MIEF2: variants seen among roughly 807,000 people sequenced by gnomAD.
MIEF2 encodes the protein mitochondrial elongation factor 2, also known as mitochondrial dynamics protein MID49.
A neutral mutation model predicts 7.4 loss-of-function variants in MIEF2; 1 was observed. The ratio of observed to expected loss-of-function variants is 0.14; its 90% CI spans 0.05 to 0.64. MIEF2 has a LOEUF of 0.64. Ranked by LOEUF, MIEF2 falls within the 30% of genes least tolerant of loss-of-function variation. The pLI is 0.85. For missense variants in MIEF2, 569 were observed against 623.9 expected (o/e 0.91, Z 0.94); for synonymous variants, 275 against 290.5 (o/e 0.95, Z 0.54).
At chr17:18,261,380 C>T (rs1185765687) in intron 1 of MIEF2, among the ~76,000 whole-genome samples, 1 of 152,164 alleles carries the variant, frequency 6.6e-6, no homozygotes, top group Non-Finnish European at 1.5e-5. Flanking sequence ...CACAGCGCTT[C>T]AGGCTTCAGC....
chr17:18,265,055 T>C lies in MIEF2; in HGVS notation c.*291T>C, dbSNP rs1978675151. ...CTCTTGGGGCCAACCCCAGGACCTT[T>C]GGCTCTGTCCATCACCAGCAACCAA... On this transcript the variant is annotated 3_prime_UTR_variant, in exon 4 of 4. Coordinates refer to ENST00000323019, the MANE Select transcript of MIEF2 (RefSeq NM_139162.4). 2.9e-6 allele frequency: 1 copy of C among 345,980 alleles called. No homozygotes were observed. Among genetic ancestry groups the C allele is most frequent in the South Asian group, 5.5e-5 (1 of 18,198 alleles). The allele number at this position is 345,980 out of a possible 1,614,324, so 21.4% of individuals were successfully genotyped here. A position where few individuals can be genotyped will look rare whatever the true frequency, so the allele number is the denominator to read the frequency against.
chr17:18,264,509 G>A lies in MIEF2; in HGVS notation c.1110G>A (p.Leu370=), dbSNP rs142149649. The A allele has an allele frequency of 1.1e-4, 169 of 1,608,762 alleles. No individual in the cohort carries two copies. In the Middle Eastern group the frequency reaches 1.2e-3, roughly 11 times the overall value. ...CTGTCTGCCGTGGTTGCTCGGCTCT[G>A]GGGCAGCTAGGCCGGGGTCACCTGA... The part of the protein sequence containing the change: ...LCAVCRGCSA[L]GQLGRGHLTQ... Residue 370 remains leucine (L), a synonymous_variant, in exon 4 of 4, where the codon CTG becomes CTA. Coordinates refer to ENST00000323019, the MANE Select transcript of MIEF2 (RefSeq NM_139162.4).
chr17:18,264,965 C>A lies in MIEF2; in HGVS notation c.*201C>A. 1 of 943,834 alleles carries A rather than the reference C, an allele frequency of 1.1e-6. No homozygotes were observed. The highest frequency in any genetic ancestry group is 1.5e-6 in the Non-Finnish European group (1 of 668,184). The allele number at this position is 943,834 out of a possible 1,614,324, so 58.5% of individuals were successfully genotyped here. ...CCCAGAGAGCTTGGGTCACTGTCACCTGAGTGCAGCTGGGCTGCCTCAGGC... is the reference window on the plus strand; with the variant it reads ...CCCAGAGAGCTTGGGTCACTGTCACATGAGTGCAGCTGGGCTGCCTCAGGC... On this transcript the variant is annotated 3_prime_UTR_variant, in exon 4 of 4. Coordinates refer to ENST00000323019, the MANE Select transcript of MIEF2 (RefSeq NM_139162.4).
rs574879368 is a variant in MIEF2 at position 18,264,156 on chromosome 17, G to C, written c.757G>C (p.Val253Leu). ...FLVGGYLSSR[V>L]LLELLRKALA... ...GGTCGGGGGCTACCTCTCCTCCCGCGTCCTGCTGGAGCTACTCCGCAAGGC... is the reference window on the plus strand; with the variant it reads ...GGTCGGGGGCTACCTCTCCTCCCGCCTCCTGCTGGAGCTACTCCGCAAGGC... Residue 253 changes from valine (V) to leucine (L), a missense_variant, in exon 4 of 4, where the codon GTC becomes CTC. Transcript: ENST00000323019. The C allele has an allele frequency of 6.3e-7, 1 of 1,577,024 alleles. No individual in the cohort carries two copies. The highest frequency in any genetic ancestry group is 1.3e-5 in the African/African-American group (1 of 74,354).
intron 2 of MIEF2, 57 bp from the exon 3 acceptor site, chr17:18,263,029 G>C (rs1358704165): frequency 2.0e-5 from 32 of 1,591,630 alleles, no homozygotes; most frequent in Middle Eastern, 3.5e-4. Flanking sequence ...TTTGCCCTGG[G>C]CTTTGCTATG....
chr17:18,263,245 C>T lies in MIEF2; in HGVS notation c.307C>T (p.Pro103Ser). ...GCCCTTGGCCCCCTCGTCGTCTGCC[C>T]CAGGTGAGTGGCACTCCTTCCCCTC... ...VLPLAPSSSA[P>S]EGPAETDPEV... Residue 103 changes from proline (P) to serine (S), a missense_variant, in exon 3 of 4, where the codon CCA becomes TCA. Transcript: ENST00000323019. 1 of 1,613,858 alleles carries T rather than the reference C, an allele frequency of 6.2e-7. No homozygotes were observed. The highest frequency in any genetic ancestry group is 8.5e-7 in the Non-Finnish European group (1 of 1,180,036).
In MIEF2 at chr17:18,263,874, G is replaced by C; in HGVS notation, c.475G>C (p.Glu159Gln). Reference sequence around the variant, plus strand: ...ACAGCTGGCTGGCGACATCGCCCTGGAGCTGCAGGCCTACTTTCGGAGCAA... The same window carrying C: ...ACAGCTGGCTGGCGACATCGCCCTGCAGCTGCAGGCCTACTTTCGGAGCAA... ...AKQLAGDIAL[E>Q]LQAYFRSKFP... The change falls in exon 4 of 4, where the codon GAG (glutamate) becomes CAG (glutamine). Residue 159 changes from glutamate (E) to glutamine (Q), a missense_variant. Physicochemically the swap from Glu to Gln is conservative, Grantham distance 29 (BLOSUM62 2). Transcript: ENST00000323019. 2 of 1,604,120 alleles carry C rather than the reference G, an allele frequency of 1.2e-6. No homozygotes were observed. The highest frequency in any genetic ancestry group is 1.7e-6 in the Non-Finnish European group (2 of 1,179,898).
intron 1 of MIEF2, among the ~76,000 whole-genome samples, 178 bp from the exon 2 acceptor site, chr17:18,262,536 G>A (rs887347742): frequency 1.3e-5 from 2 of 152,152 alleles, no homozygotes; most frequent in Non-Finnish European, 2.9e-5. Flanking sequence ...CCAGGGCCTC[G>A]GTGTCCTCCC....
chr17:18,263,875 A>C lies in MIEF2; in HGVS notation c.476A>C (p.Glu159Ala). 6.2e-7 allele frequency: 1 copy of C among 1,604,010 alleles called. No homozygotes were observed. The highest frequency in any genetic ancestry group is 8.5e-7 in the Non-Finnish European group (1 of 1,179,860). Residue 159 changes from glutamate to alanine, a missense_variant, in exon 4 of 4, where the codon GAG (glutamate) becomes GCG (alanine). Physicochemically the swap from Glu to Ala is moderately radical, Grantham distance 107. Coordinates refer to ENST00000323019, the MANE Select transcript of MIEF2 (RefSeq NM_139162.4). ...CAGCTGGCTGGCGACATCGCCCTGG[A>C]GCTGCAGGCCTACTTTCGGAGCAAG... ...AKQLAGDIAL[E>A]LQAYFRSKFP...
chr17:18,263,433 G>C (rs998532279), intron 3 of MIEF2, 185 bp downstream of exon 3: 4 of 953,980 alleles, frequency 4.2e-6, no homozygotes, highest in Admixed American at 2.0e-5. Context: ...CGTTGTGATG[G>C]TGGGGAGCTT....
At position 18,265,574 on chromosome 17, in the gene MIEF2, C is replaced by T. The variant is rs1978703677; in HGVS notation, c.*810C>T. On this transcript the variant is annotated 3_prime_UTR_variant, in exon 4 of 4. Transcript: ENST00000323019. The stretch of plus-strand genomic sequence containing the variant: ...GGTCCGGTGTGCACAGCCGGCCTCC[C>T]AGTGTGCCAAAATGAACTGCTCTCA... 1 of 152,220 alleles carries T rather than the reference C, an allele frequency of 6.6e-6. No individual in the cohort carries two copies. Among genetic ancestry groups the T allele is most frequent in the African/African-American group, 2.4e-5 (1 of 41,428 alleles). 9.4% of individuals were successfully genotyped at this position (152,220 alleles called of 1,614,324 possible). A position where few individuals can be genotyped will look rare whatever the true frequency, so the allele number is the denominator to read the frequency against.
At position 18,265,252 on chromosome 17, in the gene MIEF2, G is replaced by C. The variant is rs1978685754; in HGVS notation, c.*488G>C. The C allele has an allele frequency of 6.4e-6, 1 of 155,696 alleles. No individual in the cohort carries two copies. The highest frequency in any genetic ancestry group is 1.4e-5 in the Non-Finnish European group (1 of 70,274). The allele number at this position is 155,696 out of a possible 1,614,324, so 9.6% of individuals were successfully genotyped here. A position where few individuals can be genotyped will look rare whatever the true frequency, so the allele number is the denominator to read the frequency against. ...TGTTTGTTCTGTCCCCCAGGGGCTGGAGTCACCTGGTGCCCCTGAAGGACA... is the reference window on the plus strand; with the variant it reads ...TGTTTGTTCTGTCCCCCAGGGGCTGCAGTCACCTGGTGCCCCTGAAGGACA... On this transcript the variant is annotated 3_prime_UTR_variant, in exon 4 of 4. Transcript: ENST00000323019.
chr17:18,263,108 C>T lies in MIEF2; in HGVS notation c.170C>T (p.Pro57Leu), dbSNP rs777138849. ...VKRFIDRATS[P>L]RDEDDTKADS... ...CAGTTCATTGACAGGGCCACTAGCC[C>T]GCGGGATGAGGATGACACCAAGGCA... Residue 57 changes from proline (P) to leucine (L), a missense_variant, in exon 3 of 4, where the codon CCG (proline) becomes CTG (leucine). Physicochemically the swap from Pro to Leu is moderately conservative, Grantham distance 98 (BLOSUM62 -3). Transcript: ENST00000323019. 6.2e-6 allele frequency: 10 copies of T among 1,613,434 alleles called. No homozygotes were observed. In the East Asian group the frequency reaches 8.9e-5, roughly 14 times the overall value.
Position 18,263,921 on chromosome 17 carries a change from G to A in MIEF2, c.522G>A (p.Gly174=). 1 of 1,598,424 alleles carries A rather than the reference G, an allele frequency of 6.3e-7. No homozygotes were observed. The highest frequency in any genetic ancestry group is 8.5e-7 in the Non-Finnish European group (1 of 1,177,466). ...GCAAGTTCCCGGAACTGCCCTTTGG[G>A]GCATTCGTGCCTGGGGGGCCGCTCT... is the stretch of plus-strand genomic sequence containing the variant. ...FRSKFPELPF[G]AFVPGGPLYD... The change falls in exon 4 of 4, where the codon GGG becomes GGA. Residue 174 remains glycine (G), a synonymous_variant. Transcript: ENST00000323019.
rs1978559531 is a variant in MIEF2, at chr17:18,263,787, A to G, written c.388A>G (p.Arg130Gly). 6.2e-7 allele frequency: 1 copy of G among 1,610,950 alleles called. No homozygotes were observed. Among genetic ancestry groups the G allele is most frequent in the African/African-American group, 1.3e-5 (1 of 74,942 alleles). ...ACCGCTGTGTCTGACACTGCAGGAG[A>G]GGCTGCTGGCCTTCGAGCGGGACCG... ...PAPLCLTLQE[R>G]LLAFERDRVT... The change falls in exon 4 of 4, where the codon AGG becomes GGG. Residue 130 changes from arginine to glycine, a missense_variant. Coordinates refer to ENST00000323019, the MANE Select transcript of MIEF2 (RefSeq NM_139162.4).
chr17:18,262,661 C>CTGCCTGGCCTGGCCAG, intron 1 of MIEF2, 53 bp from the exon 2 acceptor site: 1 of 1,510,978 alleles, frequency 6.6e-7, no homozygotes, highest in South Asian at 1.3e-5. Context: ...AGCCCCTCTC[C>CTGCCTGGCCTGGCCAG]CAGCCTGGCC....
At chr17:18,262,925 G>A in intron 2 of MIEF2, 58 bp downstream of exon 2, 1 of 1,524,504 alleles carries the variant, frequency 6.6e-7, no homozygotes, top group Non-Finnish European at 8.8e-7. Context: ...ACAGGGTTGG[G>A]CTTTTCAGAG....
chr17:18,261,233 T>C (rs1018881707), intron 1 of MIEF2: 6 of 1,511,488 alleles, frequency 4.0e-6, no homozygotes, highest in South Asian at 3.6e-5. Context: ...GGTGGCAGTA[T>C]TGATCCCCGA....
Position 18,264,568 on chromosome 17 carries a change from T to TGGATTGGAC in MIEF2, c.1173_1181dup (p.Asp391_Thr393dup). On this transcript the variant is annotated inframe_insertion, in exon 4 of 4. Coordinates refer to ENST00000323019, the MANE Select transcript of MIEF2 (RefSeq NM_139162.4). ...GTCCTGCGTCTGGGGGAGGACAACG[T>TGGATTGGAC]GGATTGGACGGAGGAGGCCTTGGGT... 1 of 1,610,850 alleles carries TGGATTGGAC rather than the reference T, an allele frequency of 6.2e-7. No individual in the cohort carries two copies. The highest frequency in any genetic ancestry group is 8.5e-7 in the Non-Finnish European group (1 of 1,179,954).
Sources: gnomAD v4.1 joint callset for allele counts (sites outside exome capture counted in the v4.1 genomes callset) on GRCh38, gnomAD v4.1.1 for gene constraint, MANE v1.5 for transcripts, NCBI Gene and HGNC (gene_info 2026-07-23, HGNC 2026-07-21) for gene names.